DMC1: variants seen among roughly 807,000 people sequenced by gnomAD.
The protein encoded by DMC1 is DNA meiotic recombinase 1, also known as meiotic recombination protein DMC1 homolog.
DMC1 carries 27 observed loss-of-function variants against 50.1 expected under a neutral mutation model. That is an observed-to-expected ratio of 0.54 (90% CI 0.40 to 0.74). The LOEUF (loss-of-function observed/expected upper bound fraction) is 0.74. Ranked by LOEUF, DMC1 falls within the 30% of genes least tolerant of loss-of-function variation. The pLI is 0.00. For missense variants in DMC1, 295 were observed against 420.2 expected, an observed-to-expected ratio of 0.70 and a Z score of 2.60; for synonymous variants, 148 against 136.1, an observed-to-expected ratio of 1.09 and a Z score of -0.61.
At position 38,521,573 on chromosome 22, in the gene DMC1, ACAC is replaced by A. The variant is rs746770402; in HGVS notation, c.953+32_953+34del. The A allele has an allele frequency of 3.7e-5, 47 of 1,269,242 alleles. No individual in the cohort carries two copies. In the African/African-American group the frequency reaches 5.4e-4, roughly 14 times the overall value. The allele number at this position is 1,269,242 out of a possible 1,614,324, so 78.6% of individuals were successfully genotyped here. A position where few individuals can be genotyped will look rare whatever the true frequency, so the allele number is the denominator to read the frequency against. On this transcript the variant is annotated intron_variant, in intron 13 of 13. Coordinates refer to ENST00000216024, the MANE Select transcript of DMC1 (RefSeq NM_007068.4). ...CACACACACACACACACACACACAC[ACAC>A]ACACACACACACAAAATAAAAAAAA... is the stretch of plus-strand genomic sequence containing the variant.
rs543364339 is a variant in DMC1, at chr22:38,537,915, C to G, written c.776-263G>C. On this transcript the variant is annotated intron_variant, in intron 11 of 13. Transcript: ENST00000216024. ...ATCCCAGCACTTTGGGAGGCTGAGG[C>G]GGACAGATCACGAGGTCAGGAGCTC... 3.3e-5 allele frequency among the ~76,000 whole-genome samples: 5 copies of G among 152,170 alleles called. No individual in the cohort carries two copies. In the East Asian group the frequency reaches 9.7e-4, roughly 29 times the overall value.
At chr22:38,530,801 G>A (rs929308650) in intron 12 of DMC1, among the ~76,000 whole-genome samples, 1 of 152,096 alleles carries the variant, frequency 6.6e-6, no homozygotes, top group Non-Finnish European at 1.5e-5. Context: ...CGGGTGTGGT[G>A]GCTCACACCT....
intron 12 of DMC1, among the ~76,000 whole-genome samples, chr22:38,526,830 G>T (rs1390220969): frequency 1.3e-5 from 2 of 152,088 alleles, no homozygotes; most frequent in South Asian, 2.1e-4. Flanking sequence ...GAGAGAATGT[G>T]CTGGTCACAT....
At chr22:38,553,956 C>CAG (rs2090441776) in intron 6 of DMC1, among the ~76,000 whole-genome samples, 5 of 34,792 alleles carry the variant, frequency 1.4e-4, no homozygotes, top group African/African-American at 4.4e-4. Flanking sequence ...ACTCCATCTC[C>CAG]AAAAAAAAAA....
At chr22:38,559,933 G>C (rs1292735205) in intron 5 of DMC1, among the ~76,000 whole-genome samples, 1 of 151,850 alleles carries the variant, frequency 6.6e-6, no homozygotes, top group African/African-American at 2.4e-5. Flanking sequence ...CAGGTGAATC[G>C]CTTGAACCTG....
chr22:38,566,562 A>G lies in DMC1; in HGVS notation c.243+28T>C, dbSNP rs185988618. On this transcript the variant is annotated intron_variant, in intron 4 of 13. Transcript: ENST00000216024. ...AAGATTCACAAGGCCCTGCCAAGCTAAAACAGCAAAGAATGGATTTTGCTT... is the reference window on the plus strand; with the variant it reads ...AAGATTCACAAGGCCCTGCCAAGCTGAAACAGCAAAGAATGGATTTTGCTT... 3.1e-5 allele frequency: 50 copies of G among 1,613,652 alleles called. No individual in the cohort carries two copies. The African/African-American group carries it at 5.7e-4, about 18-fold the overall frequency.
At chr22:38,532,080 C>T (rs760485787) in intron 12 of DMC1, among the ~76,000 whole-genome samples, 4 of 152,152 alleles carry the variant, frequency 2.6e-5, no homozygotes, top group Non-Finnish European at 5.9e-5. Context: ...TTGAATGCAA[C>T]CCACTTCCTC....
chr22:38,513,326 C>T, the DMC1 span, among the ~76,000 whole-genome samples: 3 of 152,226 alleles, frequency 2.0e-5, no homozygotes, highest in Non-Finnish European at 4.4e-5. Flanking sequence ...ACTGTCACTT[C>T]ATATTCAATG....
At chr22:38,537,986 TA>T (rs2090234240) in intron 11 of DMC1, among the ~76,000 whole-genome samples, 1 of 151,930 alleles carries the variant, frequency 6.6e-6, no homozygotes, top group Non-Finnish European at 1.5e-5. Context: ...CTACTAAATA[TA>T]CAAAAAATTG....
intron 2 of DMC1, 84 bp from the exon 3 acceptor site, chr22:38,567,711 T>C: frequency 9.9e-7 from 1 of 1,014,344 alleles, no homozygotes; most frequent in Non-Finnish European, 1.6e-6. Context: ...AATTCAATAC[T>C]ATGAGTCACT....
intron 4 of DMC1, among the ~76,000 whole-genome samples, chr22:38,565,975 A>G (rs1009207187): frequency 1.3e-5 from 2 of 152,170 alleles, no homozygotes; most frequent in Non-Finnish European, 2.9e-5. Context: ...AGGAGGAGAA[A>G]GGTAAAAAAT....
intron 1 of DMC1, 186 bp from the exon 2 acceptor site, chr22:38,568,475 ATGTGTGTGTGTG>A: frequency 3.7e-6 from 2 of 534,654 alleles, no homozygotes; most frequent in South Asian, 4.6e-5. Context: ...GTGTGTGTGC[ATGTGTGTGTGTG>A]TCCCCACATG....
At chr22:38,561,674 T>C (rs1336756171) in intron 5 of DMC1, among the ~76,000 whole-genome samples, 1 of 152,208 alleles carries the variant, frequency 6.6e-6, no homozygotes, top group Admixed American at 6.5e-5. Context: ...ATCCTTTTTT[T>C]CTTAATGTAT....
At chr22:38,521,400 A>T (rs376869730) in intron 13 of DMC1, among the ~76,000 whole-genome samples, 5 of 152,106 alleles carry the variant, frequency 3.3e-5, no homozygotes, top group South Asian at 4.1e-4. Context: ...ATTCAAACAC[A>T]CAGCATCTGG....
chr22:38,512,252 G>C, the DMC1 span, among the ~76,000 whole-genome samples: 1 of 152,132 alleles, frequency 6.6e-6, no homozygotes, highest in Non-Finnish European at 1.5e-5. Context: ...TGGGATTACA[G>C]GTGTGAGCCA....
At chr22:38,517,595 AAAC>A (rs1006330947), downstream of DMC1, among the ~76,000 whole-genome samples, 2 of 151,794 alleles carry the variant, frequency 1.3e-5, no homozygotes, top group African/African-American at 4.9e-5. Flanking sequence ...ACAAAAAACA[AAAC>A]AAAACAAAAC....
At chr22:38,566,854 C>A in intron 3 of DMC1, 118 bp from the exon 4 acceptor site, 1 of 1,060,998 alleles carries the variant, frequency 9.4e-7, no homozygotes, top group Non-Finnish European at 1.4e-6. Context: ...TTTATACAAG[C>A]TGCCAGGTGG....
chr22:38,551,822 T>A (rs988334987), intron 7 of DMC1, among the ~76,000 whole-genome samples: 15 of 151,786 alleles, frequency 9.9e-5, no homozygotes, highest in African/African-American at 3.6e-4. Flanking sequence ...AGAACCAGGA[T>A]TGAAGTCCGG....
At position 38,537,583 on chromosome 22, in the gene DMC1, G is replaced by A. The variant is rs1395937928; in HGVS notation, c.836+9C>T. ...TCTGTGAAATAAAAAGTAGAATATT[G>A]GGGCTTACGTCATAGTTGCTCCTGG... On this transcript the variant is annotated intron_variant, in intron 12 of 13. Coordinates refer to ENST00000216024, the MANE Select transcript of DMC1 (RefSeq NM_007068.4). 6.2e-7 allele frequency: 1 copy of A among 1,611,384 alleles called. No individual in the cohort carries two copies. The highest frequency in any genetic ancestry group is 1.1e-5 in the South Asian group (1 of 91,002).
Sources: allele counts gnomAD v4.1 joint callset (sites outside exome capture counted in the v4.1 genomes callset), GRCh38; gene constraint gnomAD v4.1.1; transcripts MANE v1.5; gene names NCBI Gene and HGNC (gene_info 2026-07-23, HGNC 2026-07-21).